ZFAT: variants seen among roughly 807,000 people sequenced by gnomAD.
The protein encoded by ZFAT is zinc finger and AT-hook domain containing.
Under a neutral mutation model 117.7 loss-of-function variants are expected in ZFAT, and 64 were observed. The observed-to-expected ratio is 0.54, with a 90% CI of 0.44 to 0.67. The LOEUF is 0.67. Among genes scored for constraint, ZFAT ranks in the 30% least tolerant of loss-of-function variants. The pLI is 0.00. For synonymous variants in ZFAT, 679 were observed against 615.0 expected, an observed-to-expected ratio of 1.10 and a Z score of -1.54; for missense variants, 1,433 against 1,584.5, an observed-to-expected ratio of 0.90 and a Z score of 1.62.
intron 15 of ZFAT, among the ~76,000 whole-genome samples, chr8:134,484,477 G>C (rs1226868484): frequency 6.6e-6 from 1 of 152,204 alleles, no homozygotes; most frequent in Non-Finnish European, 1.5e-5. Context: ...CTGAAAGTAG[G>C]GAAGACGGTG....
chr8:134,755,817 C>CAAAAAAAAAA, the ZFAT span, among the ~76,000 whole-genome samples: 1 of 90,016 alleles, frequency 1.1e-5, no homozygotes, highest in Non-Finnish European at 2.1e-5. Flanking sequence ...GACTCCATCT[C>CAAAAAAAAAA]AAAAAAAAAA....
chr8:134,766,842 G>T, the ZFAT span: 5 of 152,226 alleles, frequency 3.3e-5, no homozygotes, highest in Non-Finnish European at 7.3e-5. Context: ...CAAACAGTCT[G>T]GTTCCAGAGG....
intron 15 of ZFAT, among the ~76,000 whole-genome samples, chr8:134,505,363 T>C (rs1024479452): frequency 6.6e-6 from 1 of 152,218 alleles, no homozygotes; most frequent in Non-Finnish European, 1.5e-5. Flanking sequence ...CTTAATTCTG[T>C]AGCCCAGTGT....
chr8:134,713,278 C>G (rs1443087712), upstream of ZFAT, among the ~76,000 whole-genome samples: 2 of 152,252 alleles, frequency 1.3e-5, no homozygotes, highest in Admixed American at 1.3e-4. Flanking sequence ...GCGGTTGTGC[C>G]AGGCCTCTGC....
the ZFAT span, among the ~76,000 whole-genome samples, chr8:134,825,974 T>C: frequency 2.0e-5 from 3 of 151,426 alleles, no homozygotes; most frequent in African/African-American, 7.3e-5. Flanking sequence ...TGAGCCGAGA[T>C]TGCGCCACTG....
chr8:134,747,233 C>T, the ZFAT span, among the ~76,000 whole-genome samples: 19 of 152,170 alleles, frequency 1.2e-4, no homozygotes, highest in South Asian at 8.3e-4. Flanking sequence ...GAACCACAGG[C>T]ACATGCCACC....
intron 2 of ZFAT, among the ~76,000 whole-genome samples, chr8:134,643,926 A>G (rs1419263168): frequency 6.6e-6 from 1 of 152,248 alleles, no homozygotes; most frequent in Middle Eastern, 3.2e-3. Context: ...TGACCAGGGC[A>G]GATCAGAGTG....
At chr8:134,494,362 C>T (rs949564059) in intron 15 of ZFAT, among the ~76,000 whole-genome samples, 2 of 134,474 alleles carry the variant, frequency 1.5e-5, no homozygotes, top group African/African-American at 5.7e-5. Context: ...GCTTTGTCAG[C>T]CTGAAGGGCA....
At chr8:134,703,013 C>G (rs553819828) in intron 1 of ZFAT, among the ~76,000 whole-genome samples, 28 of 152,348 alleles carry the variant, frequency 1.8e-4, no homozygotes, top group South Asian at 2.1e-4. Flanking sequence ...TCGGGTATGT[C>G]TTTCTCAGCA....
chr8:134,788,049 GC>G, the ZFAT span, among the ~76,000 whole-genome samples: 1 of 151,914 alleles, frequency 6.6e-6, no homozygotes, highest in Non-Finnish European at 1.5e-5. Flanking sequence ...TTTACTTCAG[GC>G]CTTACGTTAT....
At chr8:134,622,297 C>G (rs1447097490) in intron 3 of ZFAT, among the ~76,000 whole-genome samples, 1 of 152,240 alleles carries the variant, frequency 6.6e-6, no homozygotes, top group Non-Finnish European at 1.5e-5. Flanking sequence ...CAGCACTGCT[C>G]TTCAACCCTA....
chr8:134,708,451 C>T (rs189196667), intron 1 of ZFAT, among the ~76,000 whole-genome samples: 9 of 151,712 alleles, frequency 5.9e-5, no homozygotes, highest in Admixed American at 4.6e-4. Context: ...ACAAATATGT[C>T]GTTACAGTTT....
At chr8:134,667,847 C>A in intron 1 of ZFAT, among the ~76,000 whole-genome samples, 1 of 152,146 alleles carries the variant, frequency 6.6e-6, no homozygotes, top group East Asian at 1.9e-4. Context: ...TCAGGGAATT[C>A]ACTTTCCTAG....
intron 1 of ZFAT, among the ~76,000 whole-genome samples, chr8:134,688,030 A>T (rs1177536953): frequency 6.6e-6 from 1 of 152,000 alleles, no homozygotes; most frequent in African/African-American, 2.4e-5. Flanking sequence ...TCCCTTCCTG[A>T]ATCTGTAGGG....
intron 1 of ZFAT, among the ~76,000 whole-genome samples, chr8:134,698,723 C>A (rs983358281): frequency 6.6e-6 from 1 of 152,126 alleles, no homozygotes; most frequent in African/African-American, 2.4e-5. Context: ...CAGGGCACAG[C>A]ACCCTCCTGG....
chr8:134,635,249 G>A (rs932206393), intron 3 of ZFAT, among the ~76,000 whole-genome samples: 2 of 152,184 alleles, frequency 1.3e-5, no homozygotes, highest in Non-Finnish European at 2.9e-5. Context: ...TCCAGGGTCT[G>A]TGCTGTTGAC....
intron 1 of ZFAT, among the ~76,000 whole-genome samples, chr8:134,706,891 A>G (rs1038413783): frequency 2.6e-4 from 40 of 151,938 alleles, no homozygotes; most frequent in African/African-American, 9.7e-4. Flanking sequence ...AAAAAAAAAA[A>G]AGAAAGAAAG....
intron 3 of ZFAT, among the ~76,000 whole-genome samples, chr8:134,624,180 GCACACACACACACA>G (rs57195425): frequency 2.1e-5 from 3 of 146,192 alleles, no homozygotes; most frequent in Admixed American, 2.0e-4. Flanking sequence ...ATGTGCACAT[GCACACACACACACA>G]CACACACACA....
intron 11 of ZFAT, among the ~76,000 whole-genome samples, chr8:134,536,075 T>C (rs1240003747): frequency 6.6e-6 from 1 of 152,220 alleles, no homozygotes; most frequent in East Asian, 1.9e-4. Flanking sequence ...TTCAGCTCGC[T>C]TTCTTCCCCA....
Sources: allele counts gnomAD v4.1 joint callset (sites outside exome capture counted in the v4.1 genomes callset), GRCh38; gene constraint gnomAD v4.1.1; transcripts MANE v1.5; gene names NCBI Gene and HGNC (gene_info 2026-07-23, HGNC 2026-07-21).